Variants in RIN2 observed in about 807,000 individuals in gnomAD.
RIN2 encodes Ras and Rab interactor 2, also known as RAB5 interacting protein 2.
Under a neutral mutation model 78.0 loss-of-function variants are expected in RIN2, and 36 were observed. The observed-to-expected ratio is 0.46, with a 90% confidence interval of 0.35 to 0.61. RIN2 has a LOEUF of 0.61. Among genes scored for constraint, RIN2 ranks in the 20% least tolerant of loss-of-function variants. RIN2 has a pLI of 0.00. For synonymous variants in RIN2, 466 were observed against 466.8 expected (o/e 1.00, Z 0.02); for missense variants, 1,087 against 1,159.7 (o/e 0.94, Z 0.91).
chr20:19,763,464 A>C (rs548496719), intron 1 of RIN2, among the ~76,000 whole-genome samples: 2 of 152,352 alleles, frequency 1.3e-5, no homozygotes, highest in Non-Finnish European at 2.9e-5. Flanking sequence ...GAAAGTGTGA[A>C]TAGAACCACA....
rs140313742 is a variant in RIN2 at position 19,788,415 on chromosome 20, C to T, written c.-162-11207C>T. Among the ~76,000 whole-genome samples, 633 of 102,320 alleles carry T rather than the reference C, an allele frequency of 6.2e-3. 2 individuals carry two copies. Among genetic ancestry groups the T allele is most frequent in the Non-Finnish European group, 9.0e-3 (503 of 56,146 alleles). The allele number at this position is 102,320 out of a possible 152,430, so 67.1% of individuals were successfully genotyped here. ...TTCAAGACTAGCCTGGCCAACATGG[C>T]GAAATCCTGTCTCTGCCAAAAAAAA... On this transcript the variant is annotated intron_variant, in intron 1 of 12. Coordinates refer to ENST00000255006, the MANE Select transcript of RIN2 (RefSeq NM_018993.4).
At chr20:19,785,119 C>T (rs1020880921) in intron 1 of RIN2, among the ~76,000 whole-genome samples, 1 of 152,058 alleles carries the variant, frequency 6.6e-6, no homozygotes. Flanking sequence ...ACACGCTGTC[C>T]CCTGCCTACA....
chr20:19,950,144 A>C (rs6035488), intron 4 of RIN2, among the ~76,000 whole-genome samples: 59,073 of 152,068 alleles, frequency 0.39, 14,791 homozygotes, highest in African/African-American at 0.69. Context: ...ATCTGCTTCA[A>C]AGCCATGAGG....
At chr20:19,791,962 G>A (rs1053784730) in intron 1 of RIN2, among the ~76,000 whole-genome samples, 2 of 152,170 alleles carry the variant, frequency 1.3e-5, no homozygotes, top group African/African-American at 4.8e-5. Flanking sequence ...TGTTGAAAAG[G>A]AAATGTGTAT....
intron 2 of RIN2, among the ~76,000 whole-genome samples, chr20:19,880,413 T>C (rs2037989327): frequency 7.1e-6 from 1 of 140,280 alleles, no homozygotes. Flanking sequence ...TTTTTTTTTT[T>C]TTTTTCTGAG....
intron 1 of RIN2, among the ~76,000 whole-genome samples, chr20:19,767,780 C>T (rs574133176): frequency 7.6e-4 from 115 of 152,102 alleles, no homozygotes; most frequent in East Asian, 7.2e-3. Flanking sequence ...CAAAAATTAG[C>T]TGGGCGTGGT....
At chr20:19,937,256 C>A (rs1037607842) in intron 4 of RIN2, among the ~76,000 whole-genome samples, 1 of 152,216 alleles carries the variant, frequency 6.6e-6, no homozygotes, top group Non-Finnish European at 1.5e-5. Flanking sequence ...TGGCACAGAG[C>A]AGCAGCCAAA....
At chr20:19,965,074 G>T (rs777801391) in intron 7 of RIN2, 50 bp downstream of exon 7, 2 of 1,469,272 alleles carry the variant, frequency 1.4e-6, no homozygotes, top group Non-Finnish European at 1.9e-6. Flanking sequence ...TGGTGTGTGG[G>T]ATATAATTAA....
chr20:19,762,794 G>C (rs768103602), intron 1 of RIN2, among the ~76,000 whole-genome samples: 1 of 150,564 alleles, frequency 6.6e-6, no homozygotes, highest in Non-Finnish European at 1.5e-5. Context: ...ATAGAGTTTC[G>C]CTCTTGTTGC....
chr20:19,816,443 A>G (rs374112680), intron 2 of RIN2, among the ~76,000 whole-genome samples: 1 of 152,144 alleles, frequency 6.6e-6, no homozygotes. Flanking sequence ...AAGTTTAAGG[A>G]ATTGGAGCAG....
At chr20:19,996,562 A>G in intron 11 of RIN2, 117 bp from the exon 12 acceptor site, 1 of 998,966 alleles carries the variant, frequency 1.0e-6, no homozygotes, top group South Asian at 1.5e-5. Context: ...CCACAAGGAA[A>G]TGCATGTTGA....
chr20:19,991,235 A>G (rs947761556), intron 10 of RIN2, among the ~76,000 whole-genome samples: 4 of 152,204 alleles, frequency 2.6e-5, no homozygotes, highest in African/African-American at 9.7e-5. Flanking sequence ...AATGATAGCA[A>G]GTGAACATCA....
intron 2 of RIN2, among the ~76,000 whole-genome samples, chr20:19,880,250 TAA>T (rs10551811): frequency 0.26 from 35,344 of 135,696 alleles, 4,430 homozygotes; most frequent in East Asian, 0.32. Flanking sequence ...GACTCTGTCT[TAA>T]AAAAAAAAAA....
intron 3 of RIN2, among the ~76,000 whole-genome samples, chr20:19,932,742 C>A (rs187112064): frequency 6.6e-6 from 1 of 152,320 alleles, no homozygotes; most frequent in Non-Finnish European, 1.5e-5. Context: ...GCCAGCCACA[C>A]ATGCCAGTGA....
intron 2 of RIN2, among the ~76,000 whole-genome samples, chr20:19,811,279 C>T (rs539271331): frequency 7.9e-5 from 12 of 152,098 alleles, no homozygotes; most frequent in South Asian, 6.2e-4. Flanking sequence ...GGCTCAGTGG[C>T]GCTAGGAGCT....
At chr20:19,818,735 AAAAAAAAAGAAAGAAAGAG>A (rs1387610445) in intron 2 of RIN2, among the ~76,000 whole-genome samples, 8 of 138,462 alleles carry the variant, frequency 5.8e-5, no homozygotes, top group Admixed American at 2.1e-4. Context: ...CCGTATCAAA[AAAAAAAAAGAAAGAAAGAG>A]AAAAAAAAAA....
intron 2 of RIN2, among the ~76,000 whole-genome samples, chr20:19,886,236 G>A (rs1256669794): frequency 6.6e-6 from 1 of 152,240 alleles, no homozygotes; most frequent in Admixed American, 6.5e-5. Context: ...TCAGCTCCTG[G>A]CCTCAGTGGC....
intron 2 of RIN2, among the ~76,000 whole-genome samples, chr20:19,857,069 A>G (rs1459484484): frequency 1.3e-5 from 2 of 152,220 alleles, no homozygotes; most frequent in Admixed American, 1.3e-4. Context: ...GCCACCATCC[A>G]GATCAAGGTC....
At chr20:19,949,355 G>A (rs1309232930) in intron 4 of RIN2, among the ~76,000 whole-genome samples, 1 of 152,164 alleles carries the variant, frequency 6.6e-6, no homozygotes, top group Non-Finnish European at 1.5e-5. Flanking sequence ...GAGGTTTAGG[G>A]GGCTTTTTGT....
Sources: allele counts gnomAD v4.1 joint callset (sites outside exome capture counted in the v4.1 genomes callset), GRCh38; gene constraint gnomAD v4.1.1; transcripts MANE v1.5; gene names NCBI Gene and HGNC (gene_info 2026-07-23, HGNC 2026-07-21).